Variants in EML1 observed in about 807,000 individuals in gnomAD.
EML1 encodes echinoderm microtubule-associated protein-like 1.
In EML1, 27 loss-of-function variants were observed where a neutral mutation model predicts 110.4. That is an observed-to-expected ratio of 0.24 (90% CI 0.18 to 0.34). The LOEUF (loss-of-function observed/expected upper bound fraction) is 0.34. Among genes scored for constraint, EML1 ranks in the 10% least tolerant of loss-of-function variants. EML1 has a pLI of 1.00. For missense variants in EML1, 741 were observed against 1,030.9 expected, an observed-to-expected ratio of 0.72 and a Z score of 3.85; for synonymous variants, 344 against 385.8, an observed-to-expected ratio of 0.89 and a Z score of 1.27.
At chr14:99,923,835 G>A (rs1393553195) in intron 17 of EML1, among the ~76,000 whole-genome samples, 1 of 151,872 alleles carries the variant, frequency 6.6e-6, no homozygotes, top group African/African-American at 2.4e-5. Context: ...AAATTTTTTT[G>A]TAGACACAGG....
At chr14:99,760,464 A>C (rs2057303408) in intron 1 of EML1, among the ~76,000 whole-genome samples, 1 of 152,206 alleles carries the variant, frequency 6.6e-6, no homozygotes, top group Admixed American at 6.5e-5. Context: ...GGCTTTCGGC[A>C]TGGAACCATT....
chr14:99,772,761 T>A (rs2057440461), upstream of EML1, among the ~76,000 whole-genome samples: 1 of 152,242 alleles, frequency 6.6e-6, no homozygotes, highest in South Asian at 2.1e-4. Context: ...TATTTTCTGC[T>A]ATATTTCACA....
intron 1 of EML1, among the ~76,000 whole-genome samples, chr14:99,834,196 G>A (rs1050028295): frequency 4.6e-5 from 7 of 151,844 alleles, no homozygotes; most frequent in African/African-American, 1.7e-4. Flanking sequence ...CTGTAAATAC[G>A]GATTACATTG....
intron 2 of EML1, among the ~76,000 whole-genome samples, chr14:99,853,307 T>C (rs899116044): frequency 6.6e-6 from 1 of 152,174 alleles, no homozygotes; most frequent in Non-Finnish European, 1.5e-5. Flanking sequence ...TGGAGGGACC[T>C]TGGGCTCTCT....
intron 1 of EML1, among the ~76,000 whole-genome samples, chr14:99,825,716 A>T (rs1478606930): frequency 6.6e-6 from 1 of 152,156 alleles, no homozygotes; most frequent in Non-Finnish European, 1.5e-5. Flanking sequence ...AGTTTATTGC[A>T]AGTTTACTGA....
intron 1 of EML1, among the ~76,000 whole-genome samples, chr14:99,752,544 G>C: frequency 6.6e-6 from 1 of 152,202 alleles, no homozygotes; most frequent in East Asian, 1.9e-4. Context: ...GGTCCCCTGG[G>C]TGCAGGAAGG....
At chr14:99,833,773 T>A (rs1334109799) in intron 1 of EML1, among the ~76,000 whole-genome samples, 1 of 152,212 alleles carries the variant, frequency 6.6e-6, no homozygotes, top group African/African-American at 2.4e-5. Flanking sequence ...TTTGATAATG[T>A]AAATAGTCCC....
Position 99,832,058 on chromosome 14 carries a change from T to C in EML1, c.68-18795T>C, listed in dbSNP as rs192174445. Among the ~76,000 whole-genome samples, 203 of 152,198 alleles carry C rather than the reference T, an allele frequency of 1.3e-3. 2 individuals carry two copies. The highest frequency in any genetic ancestry group is 9.6e-3 in the South Asian group (46 of 4,810). On this transcript the variant is annotated intron_variant, in intron 1 of 21. Transcript: ENST00000262233. ...CCTTTGTCAGCCCTCCCTGCCCCCCTCCACTCCAACTACTGACCTGTCACT... is the reference window on the plus strand; with the variant it reads ...CCTTTGTCAGCCCTCCCTGCCCCCCCCCACTCCAACTACTGACCTGTCACT...
intron 1 of EML1, among the ~76,000 whole-genome samples, chr14:99,809,223 C>T (rs2058032398): frequency 6.6e-6 from 1 of 152,200 alleles, no homozygotes; most frequent in African/African-American, 2.4e-5. Context: ...CCCCGACATT[C>T]TGTAACATTT....
At chr14:99,919,710 G>A (rs1442796896) in intron 16 of EML1, among the ~76,000 whole-genome samples, 3 of 152,304 alleles carry the variant, frequency 2.0e-5, no homozygotes, top group African/African-American at 4.8e-5. Context: ...TCCCGATGCT[G>A]TTGATTTAAC....
At chr14:99,865,048 G>A (rs2059071794) in intron 2 of EML1, among the ~76,000 whole-genome samples, 1 of 152,054 alleles carries the variant, frequency 6.6e-6, no homozygotes, top group Non-Finnish European at 1.5e-5. Context: ...CATTTATTGT[G>A]TACCTTCTTT....
chr14:99,914,044 T>C, intron 13 of EML1, 135 bp from the exon 14 acceptor site: 1 of 1,084,660 alleles, frequency 9.2e-7, no homozygotes, highest in Middle Eastern at 3.1e-4. Context: ...ACATATATAT[T>C]TGAACGTACA....
At chr14:99,837,385 A>AT (rs2058557500) in intron 1 of EML1, among the ~76,000 whole-genome samples, 1 of 152,120 alleles carries the variant, frequency 6.6e-6, no homozygotes, top group African/African-American at 2.4e-5. Context: ...TGTTTAATAT[A>AT]TTTTGTCTGT....
At chr14:99,793,221 G>C (rs997644091), upstream of EML1, 3 of 543,110 alleles carry the variant, frequency 5.5e-6, no homozygotes, top group African/African-American at 6.2e-5. Context: ...GCTCGGCCCC[G>C]CCCCGCCACG....
chr14:99,897,321 C>A (rs375363617), intron 7 of EML1, 27 bp downstream of exon 7: 3 of 1,560,296 alleles, frequency 1.9e-6, no homozygotes, highest in Non-Finnish European at 2.6e-6. Flanking sequence ...GTCATTCCTG[C>A]GACTCAGAAG....
chr14:99,813,564 AGTT>A (rs2058117119), intron 1 of EML1, among the ~76,000 whole-genome samples: 1 of 152,056 alleles, frequency 6.6e-6, no homozygotes, highest in Non-Finnish European at 1.5e-5. Context: ...AAATTTAGCC[AGTT>A]GTGGTGGCGT....
chr14:99,772,281 T>A (rs1412350723), upstream of EML1, among the ~76,000 whole-genome samples: 1 of 152,216 alleles, frequency 6.6e-6, no homozygotes, highest in Non-Finnish European at 1.5e-5. Flanking sequence ...GCAAACTGTG[T>A]GTTTGGGCGC....
chr14:99,926,660 G>A (rs2060240022), intron 17 of EML1, among the ~76,000 whole-genome samples: 1 of 152,090 alleles, frequency 6.6e-6, no homozygotes, highest in African/African-American at 2.4e-5. Context: ...GAGTGCAGTG[G>A]GTACTCACAG....
intron 2 of EML1, among the ~76,000 whole-genome samples, chr14:99,860,884 A>G (rs2058992559): frequency 6.6e-6 from 1 of 150,940 alleles, no homozygotes; most frequent in African/African-American, 2.4e-5. Flanking sequence ...TTAATATTCT[A>G]CTTGCTTCTG....
Sources: allele counts gnomAD v4.1 joint callset (sites outside exome capture counted in the v4.1 genomes callset), GRCh38; gene constraint gnomAD v4.1.1; transcripts MANE v1.5; gene names NCBI Gene and HGNC (gene_info 2026-07-23, HGNC 2026-07-21).